PRPF6: variants seen among roughly 807,000 people sequenced by gnomAD.
The protein encoded by PRPF6 is pre-mRNA processing factor 6.
In PRPF6, 42 loss-of-function variants were observed where a neutral mutation model predicts 118.3. The observed-to-expected ratio is 0.35, with a 90% CI of 0.28 to 0.46. PRPF6 has a LOEUF of 0.46. Among genes scored for constraint, PRPF6 ranks in the 20% least tolerant of loss-of-function variants. PRPF6 has a pLI of 1.00. For missense variants in PRPF6, 662 were observed against 1,255.7 expected (o/e 0.53, Z 7.15); for synonymous variants, 481 against 485.1 (o/e 0.99, Z 0.11).
chr20:63,998,616 C>T (rs1387913624), intron 6 of PRPF6, among the ~76,000 whole-genome samples: 5 of 149,584 alleles, frequency 3.3e-5, no homozygotes, highest in Non-Finnish European at 7.4e-5. Flanking sequence ...CCGAGGCGGG[C>T]GGATCACGAG....
chr20:64,006,356 G>T (rs2059189837), intron 9 of PRPF6, among the ~76,000 whole-genome samples: 1 of 140,074 alleles, frequency 7.1e-6, no homozygotes, highest in African/African-American at 2.7e-5. Flanking sequence ...TTGCTCTGTT[G>T]CCCAGGCTAG....
At position 64,027,681 on chromosome 20, in the gene PRPF6, G is replaced by T; in HGVS notation, c.2284G>T (p.Ala762Ser). ...LEEKIGQLTRARAILEKSRLK... is the reference protein window; with the variant it reads ...LEEKIGQLTRSRAILEKSRLK... ...GGAGAAGATTGGGCAGCTTACTCGA[G>T]CACGGGCCATTTTGGAAAAGTCTCG... Residue 762 changes from alanine (A) to serine (S), a missense_variant, in exon 17 of 21, where the codon GCA (alanine) becomes TCA (serine). By Grantham distance (99) the Ala-to-Ser change is moderately conservative (BLOSUM62 1). Coordinates refer to ENST00000266079, the MANE Select transcript of PRPF6 (RefSeq NM_012469.4). This position sits in a 1 kb window ranked among gnomAD's most constrained non-coding sequence, Gnocchi z 6.5. 1 of 1,614,158 alleles carries T rather than the reference G, an allele frequency of 6.2e-7. No individual in the cohort carries two copies. The highest frequency in any genetic ancestry group is 2.2e-5 in the East Asian group (1 of 44,890).
intron 9 of PRPF6, among the ~76,000 whole-genome samples, chr20:64,009,353 T>C (rs926082418): frequency 6.6e-6 from 1 of 151,026 alleles, no homozygotes; most frequent in Non-Finnish European, 1.5e-5. Flanking sequence ...TGAAGTGAAT[T>C]ACGTAGATCT....
At position 64,028,667 on chromosome 20, in the gene PRPF6, C is replaced by T. The variant is rs1489829875; in HGVS notation, c.2431+98C>T. On this transcript the variant is annotated intron_variant, in intron 18 of 20. Coordinates refer to ENST00000266079, the MANE Select transcript of PRPF6 (RefSeq NM_012469.4). The surrounding 1 kb of genome is among the most constrained non-coding windows in gnomAD (Gnocchi z 6.5). ...GGGTGCTTCCTGGCTTCCCAGACTC[C>T]GCAGGGCTGGCACTTCCTGAGGGAG... 10 of 1,355,694 alleles carry T rather than the reference C, an allele frequency of 7.4e-6. No individual in the cohort carries two copies. Among genetic ancestry groups the T allele is most frequent in the South Asian group, 1.2e-5 (1 of 83,612 alleles). 84.0% of individuals were successfully genotyped at this position (1,355,694 alleles called of 1,614,324 possible).
At chr20:63,994,399 T>C (rs2059132510) in intron 4 of PRPF6, among the ~76,000 whole-genome samples, 1 of 152,128 alleles carries the variant, frequency 6.6e-6, no homozygotes, top group African/African-American at 2.4e-5. Flanking sequence ...TCAGGTGATC[T>C]GCCCGCTTTG....
chr20:64,016,936 ACT>A (rs1436361918), intron 12 of PRPF6, 91 bp downstream of exon 12: 423 of 1,530,066 alleles, frequency 2.8e-4, no homozygotes, highest in Non-Finnish European at 3.4e-4. Context: ...CTATTTTAAA[ACT>A]CTTTTTTTTT....
chr20:64,021,939 G>A (rs2059268164), intron 12 of PRPF6, among the ~76,000 whole-genome samples: 1 of 151,126 alleles, frequency 6.6e-6, no homozygotes, highest in African/African-American at 2.4e-5. Context: ...ACAGCCGTGT[G>A]TGTGCGTGTG....
intron 1 of PRPF6, 98 bp downstream of exon 1, chr20:63,981,414 T>G: frequency 2.5e-6 from 3 of 1,189,238 alleles, no homozygotes; most frequent in Non-Finnish European, 3.6e-6. Flanking sequence ...CCGCGCAGTC[T>G]GAAAGACGCT....
At position 64,028,189 on chromosome 20, in the gene PRPF6, G is replaced by C. The variant is rs1299162795; in HGVS notation, c.2340-289G>C. Among the ~76,000 whole-genome samples, 2 of 152,236 alleles carry C rather than the reference G, an allele frequency of 1.3e-5. No homozygotes were observed. Among genetic ancestry groups the C allele is most frequent in the African/African-American group, 2.4e-5 (1 of 41,460 alleles). Reference sequence around the variant, plus strand: ...CAGACAGGCAGCTTCTGGGTGCCTTGTGCGGCCCTGGCTCTCCCAGTCTGG... The same window carrying C: ...CAGACAGGCAGCTTCTGGGTGCCTTCTGCGGCCCTGGCTCTCCCAGTCTGG... On this transcript the variant is annotated intron_variant, in intron 17 of 20. Coordinates refer to ENST00000266079, the MANE Select transcript of PRPF6 (RefSeq NM_012469.4). This position sits in a 1 kb window ranked among gnomAD's most constrained non-coding sequence, Gnocchi z 6.5.
At chr20:64,022,992 G>A in intron 13 of PRPF6, 114 bp downstream of exon 13, 4 of 1,526,034 alleles carry the variant, frequency 2.6e-6, no homozygotes, top group Non-Finnish European at 3.6e-6. Context: ...CCCATTTGAG[G>A]TCTGGCCCTC....
chr20:64,025,713 C>T (rs2059286528), intron 14 of PRPF6, among the ~76,000 whole-genome samples: 1 of 152,246 alleles, frequency 6.6e-6, no homozygotes, highest in Admixed American at 6.5e-5. Context: ...CTTCACTGTC[C>T]TCACTGTACC....
intron 12 of PRPF6, among the ~76,000 whole-genome samples, chr20:64,021,944 CGT>C (rs199733742): frequency 1.8e-3 from 110 of 62,502 alleles, no homozygotes; most frequent in African/African-American, 4.4e-3. Flanking sequence ...CGTGTGTGTG[CGT>C]GTGTGTGTGT....
chr20:64,002,833 G>A (rs1463013197), intron 9 of PRPF6, among the ~76,000 whole-genome samples: 4 of 151,256 alleles, frequency 2.6e-5, no homozygotes, highest in East Asian at 1.9e-4. Context: ...TAGTAGAGAC[G>A]GGGTTTCACT....
At chr20:64,014,168 GAGC>G (rs908508792) in intron 11 of PRPF6, among the ~76,000 whole-genome samples, 28 of 152,068 alleles carry the variant, frequency 1.8e-4, no homozygotes, top group African/African-American at 6.7e-4. Flanking sequence ...TCAAACTCCT[GAGC>G]TCAGATGATC....
chr20:64,032,204 C>T (rs914161255), intron 20 of PRPF6, among the ~76,000 whole-genome samples, 160 bp downstream of exon 20: 1 of 152,206 alleles, frequency 6.6e-6, no homozygotes, highest in African/African-American at 2.4e-5. Flanking sequence ...TCGACACCTC[C>T]CCACAAGGCA....
At chr20:63,995,566 TC>T in intron 6 of PRPF6, 84 bp downstream of exon 6, 1 of 1,505,742 alleles carries the variant, frequency 6.6e-7, no homozygotes, top group Non-Finnish European at 9.1e-7. Flanking sequence ...TTCTTCTTCT[TC>T]TCCTTTTTCT....
At chr20:63,995,540 T>G in intron 6 of PRPF6, 58 bp downstream of exon 6, 1 of 1,604,232 alleles carries the variant, frequency 6.2e-7, no homozygotes, top group Non-Finnish European at 8.5e-7. Context: ...AATTTTGTTT[T>G]GTTTTCTTTT....
chr20:64,021,230 C>G (rs1024492284), intron 12 of PRPF6, among the ~76,000 whole-genome samples: 2 of 151,578 alleles, frequency 1.3e-5, no homozygotes, highest in Non-Finnish European at 2.9e-5. Flanking sequence ...GCCACAGCCC[C>G]ATGTCTGTGT....
In PRPF6 at chr20:64,028,600, G is replaced by T. The variant is rs1485717669; in HGVS notation, c.2431+31G>T. 3.1e-6 allele frequency: 5 copies of T among 1,606,262 alleles called. No homozygotes were observed. The highest frequency in any genetic ancestry group is 4.2e-6 in the Non-Finnish European group (5 of 1,177,094). On this transcript the variant is annotated intron_variant, in intron 18 of 20. Transcript: ENST00000266079. This position sits in a 1 kb window ranked among gnomAD's most constrained non-coding sequence, Gnocchi z 6.5. ...GGGGTGCCCCGACTCCGGTAAGGGG[G>T]TGCCCTGACTCCGGTAAGGGGGTGC...
Sources: gnomAD v4.1 joint callset for allele counts (sites outside exome capture counted in the v4.1 genomes callset) on GRCh38, gnomAD v4.1.1 for gene constraint, Gnocchi (gnomAD v3.1) non-coding constraint, MANE v1.5 for transcripts, NCBI Gene and HGNC (gene_info 2026-07-23, HGNC 2026-07-21) for gene names.